HIPK2: variants seen among roughly 807,000 people sequenced by gnomAD.
The protein encoded by HIPK2 is homeodomain-interacting protein kinase 2.
In HIPK2, 27 loss-of-function variants were observed where a neutral mutation model predicts 113.7. The ratio of observed to expected loss-of-function variants is 0.24; its 90% confidence interval spans 0.17 to 0.33. The LOEUF (loss-of-function observed/expected upper bound fraction) is 0.33, where lower values mean the gene tolerates loss of function less well. Ranked by LOEUF, HIPK2 falls within the 10% of genes least tolerant of loss-of-function variation. HIPK2 has a pLI of 1.00. For synonymous variants in HIPK2, 631 were observed against 642.2 expected (o/e 0.98, Z 0.26); for missense variants, 1,257 against 1,588.0 (o/e 0.79, Z 3.54).
At chr7:139,616,666 T>C (rs113859506) in intron 7 of HIPK2, among the ~76,000 whole-genome samples, 216 of 152,358 alleles carry the variant, frequency 1.4e-3, no homozygotes, top group African/African-American at 5.0e-3. Context: ...GAATTGCTCC[T>C]TCCTTTGCTA....
chr7:139,691,598 G>T (rs1441172108), intron 2 of HIPK2, among the ~76,000 whole-genome samples: 1 of 152,206 alleles, frequency 6.6e-6, no homozygotes, highest in African/African-American at 2.4e-5. Flanking sequence ...TTCACCTCAT[G>T]AGCCCTCATA....
At position 139,716,322 on chromosome 7, in the gene HIPK2, C is replaced by T. The variant is rs763923302; in HGVS notation, c.713G>A (p.Arg238Gln). 9.3e-6 allele frequency: 15 copies of T among 1,614,012 alleles called. No homozygotes were observed. Among genetic ancestry groups the T allele is most frequent in the Non-Finnish European group, 1.3e-5 (15 of 1,180,028 alleles). Reference sequence around the variant, plus strand: ...GATGCTCACTTCAATCTGACCTTGTCGGGCATAGGATGGGTGGTTCTTCAG... The same window carrying T: ...GATGCTCACTTCAATCTGACCTTGTTGGGCATAGGATGGGTGGTTCTTCAG... Reference protein sequence around the residue: ...KILKNHPSYARQGQIEVSILA... With the variant: ...KILKNHPSYAQQGQIEVSILA... The change falls in exon 2 of 15, where the codon CGA becomes CAA. Residue 238 changes from arginine to glutamine, a missense_variant. By Grantham distance (43) the Arg-to-Gln change is conservative. Around this residue, in one of 5 missense-constraint regions of HIPK2, gnomAD observed 78 missense variants for 145.7 expected, o/e 0.54. Coordinates refer to ENST00000406875, the MANE Select transcript of HIPK2 (RefSeq NM_022740.5). This position sits in a 1 kb window ranked among gnomAD's most constrained non-coding sequence, Gnocchi z 9.3.
Position 139,616,575 on chromosome 7 carries a change from T to G in HIPK2, c.1783-2082A>C, listed in dbSNP as rs1435143850. ...AAGCTCTCTGACCCATAGCATTCTC[T>G]CCAAGCCTTTGGGCTTTAAGGCCTA... On this transcript the variant is annotated intron_variant, in intron 7 of 14. Coordinates refer to ENST00000406875, the MANE Select transcript of HIPK2 (RefSeq NM_022740.5). Among the ~76,000 whole-genome samples the G allele has an allele frequency of 2.0e-5, 3 of 152,222 alleles. No individual in the cohort carries two copies. The East Asian group carries it at 5.8e-4, about 29-fold the overall frequency.
chr7:139,605,038 G>C (rs992725821), intron 9 of HIPK2, among the ~76,000 whole-genome samples: 1 of 152,168 alleles, frequency 6.6e-6, no homozygotes, highest in Admixed American at 6.5e-5. Flanking sequence ...ACAATTCTAA[G>C]ATCACCAAAT....
chr7:139,635,373 C>T (rs1202837866), intron 2 of HIPK2, among the ~76,000 whole-genome samples: 1 of 152,214 alleles, frequency 6.6e-6, no homozygotes, highest in Non-Finnish European at 1.5e-5. Flanking sequence ...ACGTGGTTCT[C>T]ATGGCCCGGA....
In HIPK2 at chr7:139,674,666, G is replaced by A. The variant is rs1007488428; in HGVS notation, c.1103+41266C>T. 1.2e-4 allele frequency among the ~76,000 whole-genome samples: 18 copies of A among 152,290 alleles called. 1 individual carries two copies. The highest frequency in any genetic ancestry group is 3.3e-4 in the Admixed American group (5 of 15,292). On this transcript the variant is annotated intron_variant, in intron 2 of 14. Coordinates refer to ENST00000406875, the MANE Select transcript of HIPK2 (RefSeq NM_022740.5). The stretch of plus-strand genomic sequence containing the variant: ...CACGAAAGGAAGAAAAATGAACACA[G>A]TAATCTATTAATCAATTAGTCTTCT...
At chr7:139,664,541 A>C (rs985311695) in intron 2 of HIPK2, among the ~76,000 whole-genome samples, 1 of 152,180 alleles carries the variant, frequency 6.6e-6, no homozygotes, top group African/African-American at 2.4e-5. Context: ...TCTCAAAAAA[A>C]AAAAGTAGCT....
At chr7:139,617,199 C>G (rs932364420) in intron 7 of HIPK2, among the ~76,000 whole-genome samples, 3 of 152,178 alleles carry the variant, frequency 2.0e-5, no homozygotes, top group Non-Finnish European at 4.4e-5. Context: ...GGGAAGAGCT[C>G]TTGCAGCTGA....
chr7:139,636,146 G>A (rs1191444456), intron 2 of HIPK2, among the ~76,000 whole-genome samples: 1 of 152,072 alleles, frequency 6.6e-6, no homozygotes, highest in Non-Finnish European at 1.5e-5. Context: ...TGTGACCTGG[G>A]AGCCACATTT....
chr7:139,637,675 C>T (rs987665973), intron 2 of HIPK2, among the ~76,000 whole-genome samples: 4 of 152,188 alleles, frequency 2.6e-5, no homozygotes, highest in African/African-American at 4.8e-5. Context: ...ATGAGGGCAG[C>T]GCAGGCATTC....
At chr7:139,737,587 G>A (rs73474109) in intron 1 of HIPK2, among the ~76,000 whole-genome samples, 3,046 of 152,302 alleles carry the variant, frequency 0.02, 105 homozygotes, top group African/African-American at 0.068. Flanking sequence ...GCAGGAAAAT[G>A]AGCTGCCAAG....
Position 139,777,781 on chromosome 7 carries a change from CG to C in HIPK2, c.-159del. 1 of 569,574 alleles carries C rather than the reference CG, an allele frequency of 1.8e-6. No individual in the cohort carries two copies. The highest frequency in any genetic ancestry group is 2.2e-6 in the Non-Finnish European group (1 of 454,532). 35.3% of individuals were successfully genotyped at this position (569,574 alleles called of 1,614,324 possible). On this transcript the variant is annotated 5_prime_UTR_variant, in exon 1 of 15. Coordinates refer to ENST00000406875, the MANE Select transcript of HIPK2 (RefSeq NM_022740.5). ...CGCCCGCATCACCGCCTCCCGTGGC[CG>C]GCGCCGGGGGAGGGGGCCGGGCGCG...
chr7:139,612,273 G>A (rs1484693867), intron 9 of HIPK2, among the ~76,000 whole-genome samples: 2 of 152,236 alleles, frequency 1.3e-5, no homozygotes, highest in East Asian at 3.9e-4. Flanking sequence ...AGGACAAATA[G>A]TGTCTTTGGG....
chr7:139,773,253 C>T (rs991799961), intron 1 of HIPK2, among the ~76,000 whole-genome samples: 3 of 152,140 alleles, frequency 2.0e-5, no homozygotes, highest in African/African-American at 7.2e-5. Context: ...ATCACCGTGA[C>T]CCTCAAGCAT....
At chr7:139,666,243 A>G (rs1802045571) in intron 2 of HIPK2, among the ~76,000 whole-genome samples, 1 of 152,204 alleles carries the variant, frequency 6.6e-6, no homozygotes, top group South Asian at 2.1e-4. Flanking sequence ...TTTAAAAAAA[A>G]AATCACAGTT....
At chr7:139,639,033 C>T (rs781538992) in intron 2 of HIPK2, among the ~76,000 whole-genome samples, 7 of 152,208 alleles carry the variant, frequency 4.6e-5, no homozygotes, top group Non-Finnish European at 1.0e-4. Context: ...GGGTCTGCAT[C>T]TCACTTGTCC....
intron 1 of HIPK2, among the ~76,000 whole-genome samples, chr7:139,734,099 T>C (rs1314395218): frequency 2.0e-5 from 3 of 152,262 alleles, no homozygotes; most frequent in African/African-American, 7.2e-5. Flanking sequence ...GTAATTCTAT[T>C]GTGAGGCACA....
At chr7:139,703,538 C>T (rs1473035206) in intron 2 of HIPK2, among the ~76,000 whole-genome samples, 6 of 151,886 alleles carry the variant, frequency 4.0e-5, no homozygotes, top group African/African-American at 1.2e-4. Context: ...GGCAAACGTC[C>T]ACATATATAA....
chr7:139,612,823 T>G (rs1280340545), intron 9 of HIPK2, among the ~76,000 whole-genome samples: 1 of 152,182 alleles, frequency 6.6e-6, no homozygotes, highest in Non-Finnish European at 1.5e-5. Context: ...AGGCTCCTTT[T>G]GGCTCTAAAA....
Sources: allele counts gnomAD v4.1 joint callset (sites outside exome capture counted in the v4.1 genomes callset), GRCh38; gene constraint gnomAD v4.1.1; regional missense constraint gnomAD v4.1.1; non-coding constraint Gnocchi (gnomAD v3.1); transcripts MANE v1.5; gene names NCBI Gene and HGNC (gene_info 2026-07-23, HGNC 2026-07-21).